Variants in TNR observed in about 807,000 individuals in gnomAD.
TNR encodes tenascin-R.
TNR carries 45 observed loss-of-function variants against 150.4 expected under a neutral mutation model. The observed-to-expected ratio is 0.30, with a 90% CI of 0.24 to 0.38. The LOEUF is 0.38. Ranked by LOEUF, TNR falls within the 10% of genes least tolerant of loss-of-function variation. The pLI, the probability that TNR is intolerant of heterozygous loss-of-function variation, is 1.00. For synonymous variants in TNR, 687 were observed against 678.4 expected (o/e 1.01, Z -0.20); for missense variants, 1,544 against 1,759.1 (o/e 0.88, Z 2.19).
At chr1:175,679,288 C>T (rs1449578653) in intron 1 of TNR, among the ~76,000 whole-genome samples, 1 of 152,206 alleles carries the variant, frequency 6.6e-6, no homozygotes, top group Non-Finnish European at 1.5e-5. Context: ...CCTTGTGCCA[C>T]GGGGCAGGCT....
At chr1:175,401,001 C>G (rs1653681443) in intron 4 of TNR, among the ~76,000 whole-genome samples, 1 of 152,182 alleles carries the variant, frequency 6.6e-6, no homozygotes, top group Non-Finnish European at 1.5e-5. Context: ...ATGCAACTGT[C>G]CTTCTTCACA....
intron 4 of TNR, among the ~76,000 whole-genome samples, chr1:175,399,407 G>T (rs1653593566): frequency 6.6e-6 from 1 of 152,190 alleles, no homozygotes; most frequent in Admixed American, 6.5e-5. Context: ...AAAAAAAAGA[G>T]GTGCAGAAGG....
intron 1 of TNR, among the ~76,000 whole-genome samples, chr1:175,640,811 G>A (rs1664633383): frequency 7.0e-6 from 1 of 142,830 alleles, no homozygotes; most frequent in African/African-American, 2.9e-5. Context: ...ATATATATAT[G>A]ATAATAAGCC....
At chr1:175,470,044 T>C (rs1054058315) in intron 2 of TNR, among the ~76,000 whole-genome samples, 1 of 152,092 alleles carries the variant, frequency 6.6e-6, no homozygotes, top group African/African-American at 2.4e-5. Flanking sequence ...ACTGGCATGG[T>C]TGGTATAATC....
intron 2 of TNR, among the ~76,000 whole-genome samples, chr1:175,446,034 C>T (rs1210802927): frequency 1.3e-5 from 2 of 152,152 alleles, no homozygotes; most frequent in South Asian, 2.1e-4. Context: ...GTTATTGATC[C>T]CAAACTATCT....
In TNR at chr1:175,569,060, A is replaced by T. The variant is rs1661760676; in HGVS notation, c.-164-40691T>A. Among the ~76,000 whole-genome samples, 5 of 152,086 alleles carry T rather than the reference A, an allele frequency of 3.3e-5. No homozygotes were observed. In the South Asian group the frequency reaches 1.0e-3, roughly 32 times the overall value. Reference sequence around the variant, plus strand: ...CGTGGTTGGCCGGGAAGGAGAGGAAACACAGCACTGAAAGTGAGGATGAGA... The same window carrying T: ...CGTGGTTGGCCGGGAAGGAGAGGAATCACAGCACTGAAAGTGAGGATGAGA... On this transcript the variant is annotated intron_variant, in intron 1 of 22. Transcript: ENST00000367674.
At position 175,331,015 on chromosome 1, in the gene TNR, T is replaced by TTCTA. The variant is rs1396808398; in HGVS notation, c.3632-781_3632-780insTAGA. Among the ~76,000 whole-genome samples the TTCTA allele has an allele frequency of 6.9e-5, 4 of 57,962 alleles. No individual in the cohort carries two copies. In the East Asian group the frequency reaches 2.0e-3, roughly 29 times the overall value. The allele number at this position is 57,962 out of a possible 152,430, so 38.0% of individuals were successfully genotyped here. ...TCTTGGTGATTCTTTCTTTCTTTCT[T>TTCTA]TCTTTCTTTCTTTCTTTCTTTCTTT... is the stretch of plus-strand genomic sequence containing the variant. On this transcript the variant is annotated intron_variant, in intron 20 of 22. Transcript: ENST00000367674.
At chr1:175,677,633 G>C (rs1665902861) in intron 1 of TNR, among the ~76,000 whole-genome samples, 1 of 152,168 alleles carries the variant, frequency 6.6e-6, no homozygotes, top group Non-Finnish European at 1.5e-5. Context: ...AGACAGGCAG[G>C]GAGGAGAAGA....
intron 2 of TNR, among the ~76,000 whole-genome samples, chr1:175,465,433 A>G (rs570947662): frequency 4.2e-4 from 64 of 152,324 alleles, no homozygotes; most frequent in Middle Eastern, 3.4e-3. Flanking sequence ...GTAGATTTTC[A>G]AGCATATTGA....
intron 2 of TNR, among the ~76,000 whole-genome samples, chr1:175,517,238 T>C (rs1659451936): frequency 6.6e-6 from 1 of 152,176 alleles, no homozygotes; most frequent in African/African-American, 2.4e-5. Flanking sequence ...GCTTTATCTT[T>C]ATATTCCAGA....
In TNR at chr1:175,542,004, G is replaced by A. The variant is rs78695463; in HGVS notation, c.-164-13635C>T. Among the ~76,000 whole-genome samples the A allele has an allele frequency of 9.8e-3, 1,488 of 152,168 alleles. 18 individuals carry two copies. The highest frequency in any genetic ancestry group is 0.033 in the African/African-American group (1,361 of 41,524). ...AAATGAGATAATGTAAACCAAAGACGCTCTACCAATGCAAGCCATCAGAAG... is the reference window on the plus strand; with the variant it reads ...AAATGAGATAATGTAAACCAAAGACACTCTACCAATGCAAGCCATCAGAAG... On this transcript the variant is annotated intron_variant, in intron 1 of 22. Transcript: ENST00000367674.
rs957727257 is a variant in TNR at position 175,317,481 on chromosome 1, C to T, written c.*5876G>A. Reference sequence around the variant, plus strand: ...ATATTAAAGAGCAACACAGGGTCTCCCTAGGGGCTGCTAAACCAGTGATGG... The same window carrying T: ...ATATTAAAGAGCAACACAGGGTCTCTCTAGGGGCTGCTAAACCAGTGATGG... On this transcript the variant is annotated 3_prime_UTR_variant, in exon 23 of 23. Transcript: ENST00000367674. 6.6e-6 allele frequency: 1 copy of T among 152,204 alleles called. No individual in the cohort carries two copies. Among genetic ancestry groups the T allele is most frequent in the African/African-American group, 2.4e-5 (1 of 41,436 alleles). The allele number at this position is 152,204 out of a possible 1,614,324, so 9.4% of individuals were successfully genotyped here.
At chr1:175,706,958 G>A (rs2101931782) in intron 1 of TNR, among the ~76,000 whole-genome samples, 1 of 152,272 alleles carries the variant, frequency 6.6e-6, no homozygotes, top group Non-Finnish European at 1.5e-5. Context: ...GCACAGGTCA[G>A]AAGCAACCAT....
intron 11 of TNR, 107 bp from the exon 12 acceptor site, chr1:175,365,386 C>T: frequency 7.8e-7 from 1 of 1,287,886 alleles, no homozygotes; most frequent in Middle Eastern, 2.5e-4. Context: ...TAATAAGGGC[C>T]ACACCTTCAC....
intron 2 of TNR, among the ~76,000 whole-genome samples, chr1:175,468,387 A>G (rs1657126672): frequency 6.6e-6 from 1 of 152,232 alleles, no homozygotes; most frequent in Admixed American, 6.5e-5. Context: ...CTGGCATAAT[A>G]ATCACACCAG....
intron 1 of TNR, among the ~76,000 whole-genome samples, chr1:175,670,045 G>C (rs957485926): frequency 6.6e-6 from 1 of 152,134 alleles, no homozygotes; most frequent in Non-Finnish European, 1.5e-5. Flanking sequence ...CCACAGCATG[G>C]CCTCTCCCTT....
chr1:175,507,636 C>G (rs1323347333), intron 2 of TNR, among the ~76,000 whole-genome samples: 1 of 152,126 alleles, frequency 6.6e-6, no homozygotes, highest in East Asian at 1.9e-4. Flanking sequence ...GTTTCTATAA[C>G]AGTCCTCAGC....
chr1:175,617,503 C>T (rs1231542311), intron 1 of TNR, among the ~76,000 whole-genome samples: 2 of 152,240 alleles, frequency 1.3e-5, no homozygotes, highest in African/African-American at 4.8e-5. Context: ...GTCCCATTAC[C>T]TTCCACAGCA....
chr1:175,688,226 C>G (rs995945171), intron 1 of TNR, among the ~76,000 whole-genome samples: 2 of 152,176 alleles, frequency 1.3e-5, no homozygotes, highest in African/African-American at 4.8e-5. Context: ...GGGAGGAGCC[C>G]CAGTCCCACG....
Sources: allele counts gnomAD v4.1 joint callset (sites outside exome capture counted in the v4.1 genomes callset), GRCh38; gene constraint gnomAD v4.1.1; transcripts MANE v1.5; gene names NCBI Gene and HGNC (gene_info 2026-07-23, HGNC 2026-07-21).